CTSD: variants seen among roughly 807,000 people sequenced by gnomAD.
CTSD encodes the protein ceroid-lipofuscinosis, neuronal 10.
CTSD carries 28 observed loss-of-function variants against 43.6 expected under a neutral mutation model. The ratio of observed to expected loss-of-function variants is 0.64; its 90% CI spans 0.48 to 0.88. The LOEUF (loss-of-function observed/expected upper bound fraction) is 0.88. Ranked by LOEUF, CTSD falls within the 40% of genes least tolerant of loss-of-function variation. The probability of loss-of-function intolerance (pLI) is 0.00; values close to 1 mark genes in which losing one functional copy is unlikely to be tolerated. For synonymous variants in CTSD, 270 were observed against 249.8 expected (o/e 1.08, Z -0.76); for missense variants, 485 against 555.2 (o/e 0.87, Z 1.27).
rs1845914768 is a variant in CTSD, at chr11:1,763,874, G to C, written c.-15C>G. On this transcript the variant is annotated 5_prime_UTR_variant, in exon 1 of 9. Coordinates refer to ENST00000236671, the MANE Select transcript of CTSD (RefSeq NM_001909.5). ...GAGGGCTGCATGGCGGCGGCGGCCG[G>C]GTCGGAGAGGGTCGCCGAGGCCGTG... 2.0e-6 allele frequency: 3 copies of C among 1,520,094 alleles called. No homozygotes were observed. The highest frequency in any genetic ancestry group is 2.6e-6 in the Non-Finnish European group (3 of 1,139,592). The allele number at this position is 1,520,094 out of a possible 1,614,324, so 94.2% of individuals were successfully genotyped here. A position where few individuals can be genotyped will look rare whatever the true frequency, so the allele number is the denominator to read the frequency against.
rs751538234 is a variant in CTSD, at chr11:1,752,809, C to T, written c.*694G>A. 1.1e-3 allele frequency: 175 copies of T among 155,588 alleles called. No individual in the cohort carries two copies. Among genetic ancestry groups the T allele is most frequent in the Middle Eastern group, 6.0e-3 (2 of 334 alleles). The allele number at this position is 155,588 out of a possible 1,614,324, so 9.6% of individuals were successfully genotyped here. ...TTCCATGTCAGCTGGGGCTCTCAGC[C>T]GCCCAAGGGGAGGACAACAGAGGTC... is the stretch of plus-strand genomic sequence containing the variant. On this transcript the variant is annotated 3_prime_UTR_variant, in exon 9 of 9. Transcript: ENST00000236671.
chr11:1,754,863 C>G, intron 6 of CTSD, 43 bp downstream of exon 6: 1 of 1,612,776 alleles, frequency 6.2e-7, no homozygotes, highest in Non-Finnish European at 8.5e-7. Context: ...CACACCGCCC[C>G]CGCCCACAGA....
intron 6 of CTSD, among the ~76,000 whole-genome samples, 188 bp downstream of exon 6, chr11:1,754,718 T>C (rs1590904936): frequency 2.3e-5 from 3 of 128,154 alleles, no homozygotes; most frequent in African/African-American, 8.9e-5. Flanking sequence ...ATAGAGGGGA[T>C]GGAGGTGATG....
At chr11:1,754,492 A>AGGGATGAG (rs1845776688) in intron 6 of CTSD, among the ~76,000 whole-genome samples, 1 of 35,702 alleles carries the variant, frequency 2.8e-5, no homozygotes, top group Non-Finnish European at 5.3e-5. Flanking sequence ...AGAGTCACAG[A>AGGGATGAG]GGGATGTGGG....
At chr11:1,755,492 C>G in intron 5 of CTSD, 1 of 291,064 alleles carries the variant, frequency 3.4e-6, no homozygotes, top group South Asian at 3.3e-5. Flanking sequence ...CCTGGGAACA[C>G]CCTCCACCTG....
At chr11:1,759,179 C>T (rs146196996) in intron 3 of CTSD, 92 bp from the exon 4 acceptor site, 51 of 1,061,922 alleles carry the variant, frequency 4.8e-5, no homozygotes, top group East Asian at 3.3e-4. Context: ...CCATGGAGCC[C>T]GCACCCCCCA....
At chr11:1,761,948 A>C (rs1845884082) in intron 1 of CTSD, 1 of 202,686 alleles carries the variant, frequency 4.9e-6, no homozygotes, top group Non-Finnish European at 1.0e-5. Flanking sequence ...CTCCACCCCC[A>C]GACACCTGCA....
At chr11:1,754,405 GGGGATGAA>G (rs1845772722) in intron 6 of CTSD, 68 of 543,282 alleles carry the variant, frequency 1.3e-4, no homozygotes, top group Non-Finnish European at 2.3e-5. Flanking sequence ...AGGGGATGGA[GGGGATGAA>G]GGGATGGAGG....
intron 3 of CTSD, 56 bp downstream of exon 3, chr11:1,759,460 C>A (rs1845848148): frequency 1.9e-6 from 3 of 1,608,910 alleles, no homozygotes; most frequent in Non-Finnish European, 2.5e-6. Flanking sequence ...GGCAGCCCTG[C>A]AGCGACATCC....
At chr11:1,761,570 G>T in intron 1 of CTSD, 102 bp from the exon 2 acceptor site, 6 of 1,353,762 alleles carry the variant, frequency 4.4e-6, no homozygotes, top group Non-Finnish European at 6.2e-6. Flanking sequence ...GAATCTCAGA[G>T]TCGCCACAGC....
chr11:1,754,473 G>A (rs892099722), intron 6 of CTSD, among the ~76,000 whole-genome samples: 22 of 141,682 alleles, frequency 1.6e-4, no homozygotes, highest in African/African-American at 5.8e-4. Flanking sequence ...AGGGGATGGA[G>A]GGTCATGGAG....
intron 1 of CTSD, chr11:1,763,009 G>C (rs1025095282): frequency 6.6e-6 from 1 of 152,400 alleles, no homozygotes; most frequent in African/African-American, 2.4e-5. Flanking sequence ...CCAATGGGAT[G>C]GGTCAGCATA....
rs1845749597 is a variant in CTSD at position 1,753,292 on chromosome 11, A to G, written c.*211T>C. 1 of 618,274 alleles carries G rather than the reference A, an allele frequency of 1.6e-6. No individual in the cohort carries two copies. The allele number at this position is 618,274 out of a possible 1,614,324, so 38.3% of individuals were successfully genotyped here. ...AGCTCTACCCCCACCAAACAGATGG[A>G]GAGACAGACAGGCAGGCAGCATTTC... On this transcript the variant is annotated 3_prime_UTR_variant, in exon 9 of 9. Coordinates refer to ENST00000236671, the MANE Select transcript of CTSD (RefSeq NM_001909.5).
chr11:1,761,188 T>C (rs528263974), intron 2 of CTSD, 121 bp downstream of exon 2: 2 of 1,093,486 alleles, frequency 1.8e-6, no homozygotes, highest in Admixed American at 3.6e-5. Context: ...GACGCCACCG[T>C]GGCCAGGTGA....
chr11:1,754,525 G>GGGATGGA (rs1554962371), intron 6 of CTSD, among the ~76,000 whole-genome samples: 15 of 33,660 alleles, frequency 4.5e-4, no homozygotes, highest in East Asian at 1.2e-3. Flanking sequence ...GAGGGATGGA[G>GGGATGGA]GGGATGGAGG....
chr11:1,754,260 A>G (rs1218917823), intron 6 of CTSD, 122 bp from the exon 7 acceptor site: 2 of 1,193,402 alleles, frequency 1.7e-6, no homozygotes, highest in South Asian at 2.6e-5. Context: ...GGGCTCCTGG[A>G]AGCACAGCCG....
chr11:1,763,670 C>G (rs1845910911), intron 1 of CTSD, 122 bp downstream of exon 1: 1 of 989,918 alleles, frequency 1.0e-6, no homozygotes. Context: ...CAGGTGCATT[C>G]CAGCGCGGGG....
chr11:1,754,623 GC>G (rs754760752), intron 6 of CTSD, among the ~76,000 whole-genome samples: 23 of 144,898 alleles, frequency 1.6e-4, no homozygotes, highest in South Asian at 2.2e-4. Context: ...GGGATGGAGG[GC>G]ATGGAGGGAT....
Position 1,753,155 on chromosome 11 carries a change from A to C in CTSD, c.*348T>G. 1.1e-5 allele frequency: 4 copies of C among 361,112 alleles called. No individual in the cohort carries two copies. Among genetic ancestry groups the C allele is most frequent in the African/African-American group, 2.1e-5 (1 of 47,416 alleles). 22.4% of individuals were successfully genotyped at this position (361,112 alleles called of 1,614,324 possible). On this transcript the variant is annotated 3_prime_UTR_variant, in exon 9 of 9. Transcript: ENST00000236671. ...GGGGCTCAGCCCAGCGGGCGCTGGT[A>C]GGGCCGGGGAGGGGACTCCCTGGAG...
Sources: allele counts gnomAD v4.1 joint callset (sites outside exome capture counted in the v4.1 genomes callset), GRCh38; gene constraint gnomAD v4.1.1; transcripts MANE v1.5; gene names NCBI Gene and HGNC (gene_info 2026-07-23, HGNC 2026-07-21).